FAM13A: variants seen among roughly 807,000 people sequenced by gnomAD.
FAM13A encodes the protein protein FAM13A.
Under a neutral mutation model 129.6 loss-of-function variants are expected in FAM13A, and 76 were observed. The observed-to-expected ratio is 0.59, with a 90% CI of 0.49 to 0.71. FAM13A has a LOEUF of 0.71. Among genes scored for constraint, FAM13A ranks in the 30% least tolerant of loss-of-function variants. The pLI is 0.00. For synonymous variants in FAM13A, 443 were observed against 449.9 expected (o/e 0.98, Z 0.20); for missense variants, 1,108 against 1,249.3 (o/e 0.89, Z 1.70).
At chr4:88,768,833 G>A (rs1272819654) in intron 11 of FAM13A, among the ~76,000 whole-genome samples, 2 of 152,272 alleles carry the variant, frequency 1.3e-5, no homozygotes, top group Middle Eastern at 6.8e-3. Context: ...AGGCATATAT[G>A]TAAGATATCT....
At chr4:88,806,769 G>A (rs542280718) in intron 7 of FAM13A, among the ~76,000 whole-genome samples, 3 of 152,108 alleles carry the variant, frequency 2.0e-5, no homozygotes, top group South Asian at 2.1e-4. Context: ...AGTAAGAGGG[G>A]ACAACACCTG....
intron 11 of FAM13A, among the ~76,000 whole-genome samples, chr4:88,780,283 G>C (rs767955880): frequency 2.0e-5 from 3 of 152,154 alleles, no homozygotes; most frequent in Non-Finnish European, 4.4e-5. Context: ...TGAGAAAATA[G>C]GTGGCCCATG....
chr4:88,871,840 T>C (rs1236678736), intron 6 of FAM13A, among the ~76,000 whole-genome samples: 1 of 152,022 alleles, frequency 6.6e-6, no homozygotes, highest in South Asian at 2.1e-4. Context: ...AGACACATAA[T>C]TGTCAGATTC....
chr4:88,751,999 T>C (rs1267931884), intron 14 of FAM13A, among the ~76,000 whole-genome samples: 1 of 152,186 alleles, frequency 6.6e-6, no homozygotes, highest in Non-Finnish European at 1.5e-5. Context: ...TAAAAATATA[T>C]AATCCTAGAA....
chr4:88,898,127 G>T (rs1561281963), intron 6 of FAM13A, among the ~76,000 whole-genome samples: 1 of 152,086 alleles, frequency 6.6e-6, no homozygotes, highest in Admixed American at 6.6e-5. Flanking sequence ...GAGAGTAATA[G>T]AATCACTTCA....
intron 6 of FAM13A, among the ~76,000 whole-genome samples, chr4:88,886,176 A>G (rs978723139): frequency 1.3e-5 from 2 of 152,252 alleles, no homozygotes; most frequent in African/African-American, 4.8e-5. Context: ...GTATCTACCC[A>G]GAGGAAGATA....
chr4:89,028,659 C>T, intron 2 of FAM13A, among the ~76,000 whole-genome samples: 1 of 152,006 alleles, frequency 6.6e-6, no homozygotes, highest in East Asian at 1.9e-4. Flanking sequence ...TCACTGCACT[C>T]TGGCCTGGGT....
chr4:89,040,591 G>A (rs1039304521), intron 1 of FAM13A, among the ~76,000 whole-genome samples: 2 of 152,180 alleles, frequency 1.3e-5, no homozygotes, highest in Non-Finnish European at 2.9e-5. Flanking sequence ...TCTGAAATTA[G>A]GGAACTTGAG....
intron 4 of FAM13A, among the ~76,000 whole-genome samples, chr4:88,978,832 T>C (rs1761269622): frequency 6.6e-6 from 1 of 151,868 alleles, no homozygotes; most frequent in Non-Finnish European, 1.5e-5. Context: ...GCAACACAAA[T>C]TGATATAAAG....
intron 6 of FAM13A, among the ~76,000 whole-genome samples, chr4:88,862,442 T>C (rs541155417): frequency 6.6e-6 from 1 of 152,294 alleles, no homozygotes; most frequent in Admixed American, 6.5e-5. Context: ...AAGGTTGGGC[T>C]GGACTCAGAC....
chr4:88,915,554 T>C (rs1030724902), intron 5 of FAM13A, among the ~76,000 whole-genome samples: 11 of 152,152 alleles, frequency 7.2e-5, no homozygotes, highest in Admixed American at 3.9e-4. Flanking sequence ...ATAATTTTGA[T>C]TGTGTTTAAG....
chr4:88,913,623 G>C (rs1427873413), intron 5 of FAM13A, among the ~76,000 whole-genome samples: 1 of 152,212 alleles, frequency 6.6e-6, no homozygotes. Flanking sequence ...TTACTACTGT[G>C]ATCACAATTC....
At chr4:88,905,643 G>A (rs997950711) in intron 6 of FAM13A, 2 of 152,126 alleles carry the variant, frequency 1.3e-5, no homozygotes, top group Non-Finnish European at 2.9e-5. Flanking sequence ...ATTTATAAGT[G>A]AGAACATGTG....
chr4:88,777,812 ACCAAC>A (rs1722071482), intron 11 of FAM13A, among the ~76,000 whole-genome samples: 1 of 152,068 alleles, frequency 6.6e-6, no homozygotes, highest in African/African-American at 2.4e-5. Context: ...CCATCTTTCT[ACCAAC>A]CCTATTCTTA....
chr4:88,730,366 C>T (rs1357553592), intron 23 of FAM13A, among the ~76,000 whole-genome samples: 1 of 152,128 alleles, frequency 6.6e-6, no homozygotes, highest in Admixed American at 6.5e-5. Context: ...AGAGGCAGCC[C>T]ATCAACCAGG....
At chr4:89,049,568 C>A (rs1327758942) in intron 1 of FAM13A, among the ~76,000 whole-genome samples, 2 of 152,206 alleles carry the variant, frequency 1.3e-5, no homozygotes, top group Non-Finnish European at 2.9e-5. Context: ...AATTCTCTTT[C>A]AACAACTGTT....
Position 88,728,554 on chromosome 4 carries a change from G to A in FAM13A, c.3051C>T (p.Asp1017=). The A allele has an allele frequency of 1.9e-6, 3 of 1,614,150 alleles. No individual in the cohort carries two copies. The highest frequency in any genetic ancestry group is 1.1e-5 in the South Asian group (1 of 91,086). The change falls in exon 24 of 24, where the codon GAC becomes GAT. Residue 1017 remains aspartate (D), a synonymous_variant. Transcript: ENST00000264344. ...CCCCTCACATGGACTTGGAATCAGT[G>A]TCTCTCTTGCTGATGAGCACCTCCA... ...RLLEVLISKR[D]TDSKSM is the part of the protein sequence containing the mutation.
intron 1 of FAM13A, among the ~76,000 whole-genome samples, chr4:89,045,915 T>C (rs1464288131): frequency 1.3e-5 from 2 of 151,262 alleles, no homozygotes; most frequent in Non-Finnish European, 2.9e-5. Context: ...TCCCAGCTAC[T>C]CGGGAGGCTG....
At chr4:88,930,949 G>A (rs1040825619) in intron 5 of FAM13A, among the ~76,000 whole-genome samples, 1 of 152,140 alleles carries the variant, frequency 6.6e-6, no homozygotes, top group African/African-American at 2.4e-5. Flanking sequence ...GGTGATGAGT[G>A]CAGCCATGTT....
Sources: gnomAD v4.1 joint callset for allele counts (sites outside exome capture counted in the v4.1 genomes callset) on GRCh38, gnomAD v4.1.1 for gene constraint, MANE v1.5 for transcripts, NCBI Gene and HGNC (gene_info 2026-07-23, HGNC 2026-07-21) for gene names.